Variants in KCNH8 observed in about 807,000 individuals in gnomAD.
The protein encoded by KCNH8 is voltage-gated delayed rectifier potassium channel KCNH8.
In KCNH8, 70 loss-of-function variants were observed where a neutral mutation model predicts 103.6. The observed-to-expected ratio is 0.68, with a 90% CI of 0.56 to 0.82. KCNH8 has a LOEUF of 0.82. KCNH8 is among the 40% of genes least tolerant of loss of function. The pLI, the probability that KCNH8 is intolerant of heterozygous loss-of-function variation, is 0.00. For synonymous variants in KCNH8, 498 were observed against 489.4 expected (o/e 1.02, Z -0.23); for missense variants, 1,217 against 1,329.9 (o/e 0.92, Z 1.32).
chr3:19,170,713 T>C (rs972043445), intron 1 of KCNH8, among the ~76,000 whole-genome samples: 18 of 135,674 alleles, frequency 1.3e-4, no homozygotes, highest in Non-Finnish European at 3.0e-4. Flanking sequence ...TACACATATA[T>C]ACACACACAT....
chr3:19,304,029 G>A (rs1239566361), intron 3 of KCNH8, among the ~76,000 whole-genome samples: 1 of 152,152 alleles, frequency 6.6e-6, no homozygotes, highest in African/African-American at 2.4e-5. Flanking sequence ...AAATCAGGCA[G>A]TACTAAAAGA....
At chr3:19,200,662 G>T (rs2063648625) in intron 1 of KCNH8, among the ~76,000 whole-genome samples, 1 of 151,944 alleles carries the variant, frequency 6.6e-6, no homozygotes, top group Non-Finnish European at 1.5e-5. Context: ...TTTTGTTAAA[G>T]ATTTGATGTC....
At chr3:19,382,594 G>T in intron 5 of KCNH8, among the ~76,000 whole-genome samples, 1 of 152,178 alleles carries the variant, frequency 6.6e-6, no homozygotes, top group East Asian at 1.9e-4. Context: ...AATATGTGAC[G>T]CAGTCTTAGA....
intron 3 of KCNH8, among the ~76,000 whole-genome samples, chr3:19,290,511 G>GT (rs1379937273): frequency 6.6e-6 from 1 of 152,118 alleles, no homozygotes; most frequent in Admixed American, 6.5e-5. Context: ...TAATCATGTG[G>GT]TTTTTGTCTT....
At chr3:19,286,904 A>G (rs1003654822) in intron 3 of KCNH8, among the ~76,000 whole-genome samples, 2 of 152,210 alleles carry the variant, frequency 1.3e-5, no homozygotes, top group African/African-American at 4.8e-5. Flanking sequence ...GCCCTAGCAA[A>G]CATAATTAAT....
At chr3:19,267,782 AT>A (rs1334870756) in intron 2 of KCNH8, among the ~76,000 whole-genome samples, 3 of 152,172 alleles carry the variant, frequency 2.0e-5, no homozygotes, top group African/African-American at 7.2e-5. Flanking sequence ...CAGAGTCTAC[AT>A]TCATATCTAC....
intron 6 of KCNH8, among the ~76,000 whole-genome samples, chr3:19,391,199 A>C (rs1221308424): frequency 6.6e-6 from 1 of 152,096 alleles, no homozygotes; most frequent in East Asian, 1.9e-4. Flanking sequence ...CTAATGTAAA[A>C]CTTGAGAGTT....
chr3:19,198,027 A>G (rs1269554794), intron 1 of KCNH8, among the ~76,000 whole-genome samples: 1 of 152,022 alleles, frequency 6.6e-6, no homozygotes, highest in Non-Finnish European at 1.5e-5. Context: ...GGTTTTCGGA[A>G]AGGTTGGATT....
At chr3:19,203,892 G>A (rs1210440694) in intron 1 of KCNH8, among the ~76,000 whole-genome samples, 2 of 151,992 alleles carry the variant, frequency 1.3e-5, no homozygotes, top group Non-Finnish European at 1.5e-5. Context: ...GTTATGCTAT[G>A]TTTATTGTTC....
At chr3:19,322,828 A>T (rs376179109) in intron 3 of KCNH8, among the ~76,000 whole-genome samples, 1 of 152,260 alleles carries the variant, frequency 6.6e-6, no homozygotes, top group South Asian at 2.1e-4. Context: ...AACACCAATT[A>T]TTCTTAGGTT....
chr3:19,198,932 G>A (rs2063629420), intron 1 of KCNH8, among the ~76,000 whole-genome samples: 1 of 152,020 alleles, frequency 6.6e-6, no homozygotes, highest in African/African-American at 2.4e-5. Context: ...TTCAAACAAG[G>A]CCACTGCCTG....
At chr3:19,203,769 A>G (rs1369975990) in intron 1 of KCNH8, among the ~76,000 whole-genome samples, 1 of 152,080 alleles carries the variant, frequency 6.6e-6, no homozygotes, top group Non-Finnish European at 1.5e-5. Context: ...TTCTTACACT[A>G]TATTTTGAAA....
intron 3 of KCNH8, among the ~76,000 whole-genome samples, chr3:19,323,026 C>T (rs2065370696): frequency 6.6e-6 from 1 of 152,124 alleles, no homozygotes; most frequent in South Asian, 2.1e-4. Context: ...GTGTGTCTTT[C>T]ATTTCCAGAA....
chr3:19,366,889 C>G lies in KCNH8; in HGVS notation c.811+18924C>G, dbSNP rs115457282. Among the ~76,000 whole-genome samples the G allele has an allele frequency of 5.9e-3, 893 of 152,018 alleles. 7 individuals carry two copies. Among genetic ancestry groups the G allele is most frequent in the African/African-American group, 0.02 (839 of 41,504 alleles). ...AAGTTATTTAAATATTTTTAGATGA[C>G]AGAAAACATTCTGGCTACCTGTGTG... On this transcript the variant is annotated intron_variant, in intron 5 of 15. Transcript: ENST00000328405.
chr3:19,527,472 G>C (rs753267632), intron 15 of KCNH8, among the ~76,000 whole-genome samples: 7 of 152,010 alleles, frequency 4.6e-5, no homozygotes, highest in African/African-American at 7.2e-5. Flanking sequence ...TTTTATATCT[G>C]TTATATTATT....
At chr3:19,158,355 A>G (rs1387986160) in intron 1 of KCNH8, among the ~76,000 whole-genome samples, 1 of 151,764 alleles carries the variant, frequency 6.6e-6, no homozygotes, top group African/African-American at 2.4e-5. Context: ...AATTTTAATT[A>G]TAGAATATTT....
At chr3:19,303,655 A>G (rs997265457) in intron 3 of KCNH8, among the ~76,000 whole-genome samples, 5 of 152,136 alleles carry the variant, frequency 3.3e-5, no homozygotes, top group Non-Finnish European at 4.4e-5. Flanking sequence ...TGGGATCAGT[A>G]TCTGTGTGGG....
chr3:19,195,680 A>G (rs1014201716), intron 1 of KCNH8, among the ~76,000 whole-genome samples: 1 of 152,018 alleles, frequency 6.6e-6, no homozygotes, highest in African/African-American at 2.4e-5. Context: ...ATAATTACCC[A>G]GGAGTCAGAG....
At chr3:19,491,834 ATC>A (rs1419297422) in intron 11 of KCNH8, among the ~76,000 whole-genome samples, 1 of 152,104 alleles carries the variant, frequency 6.6e-6, no homozygotes. Context: ...CTTTGCCAGC[ATC>A]TGTTTTTTGA....
Sources: gnomAD v4.1 joint callset for allele counts (sites outside exome capture counted in the v4.1 genomes callset) on GRCh38, gnomAD v4.1.1 for gene constraint, MANE v1.5 for transcripts, NCBI Gene and HGNC (gene_info 2026-07-23, HGNC 2026-07-21) for gene names.